PLXNA4: variants seen among roughly 807,000 people sequenced by gnomAD.
PLXNA4 encodes plexin-A4.
A neutral mutation model predicts 191.8 loss-of-function variants in PLXNA4; 44 were observed. The observed-to-expected ratio is 0.23, with a 90% CI of 0.18 to 0.29. The LOEUF (loss-of-function observed/expected upper bound fraction) is 0.29. Ranked by LOEUF, PLXNA4 falls within the 10% of genes least tolerant of loss-of-function variation. PLXNA4 has a pLI of 1.00. For synonymous variants in PLXNA4, 1,082 were observed against 1,009.5 expected (o/e 1.07, Z -1.36); for missense variants, 1,800 against 2,488.8 (o/e 0.72, Z 5.89).
intron 30 of PLXNA4, among the ~76,000 whole-genome samples, chr7:132,139,136 A>C (rs139556093): frequency 3.5e-4 from 54 of 152,350 alleles, no homozygotes; most frequent in African/African-American, 1.2e-3. Context: ...CACTAGGACA[A>C]AAGAGTTAGT....
intron 2 of PLXNA4, among the ~76,000 whole-genome samples, chr7:132,489,798 C>G (rs1038507120): frequency 1.3e-5 from 2 of 151,770 alleles, no homozygotes; most frequent in Non-Finnish European, 3.0e-5. Flanking sequence ...ATCATCCTCA[C>G]GTGGAAAAGC....
intron 3 of PLXNA4, among the ~76,000 whole-genome samples, chr7:132,476,154 CA>C (rs1797122141): frequency 6.6e-6 from 1 of 152,142 alleles, no homozygotes; most frequent in Non-Finnish European, 1.5e-5. Context: ...GATACAGAAT[CA>C]GGCATGTGTG....
intron 13 of PLXNA4, among the ~76,000 whole-genome samples, chr7:132,194,930 A>C (rs926226433): frequency 1.3e-5 from 2 of 151,860 alleles, no homozygotes; most frequent in Non-Finnish European, 2.9e-5. Context: ...ATAATATATA[A>C]ATATATATGT....
intron 3 of PLXNA4, among the ~76,000 whole-genome samples, chr7:132,404,673 T>C (rs1217197532): frequency 6.6e-6 from 1 of 152,194 alleles, no homozygotes; most frequent in African/African-American, 2.4e-5. Flanking sequence ...GTTATTTAAC[T>C]TTCCCATGTT....
At chr7:132,443,435 A>G (rs1364321042) in intron 3 of PLXNA4, among the ~76,000 whole-genome samples, 2 of 152,168 alleles carry the variant, frequency 1.3e-5, no homozygotes, top group East Asian at 1.9e-4. Flanking sequence ...TACTCTGTAC[A>G]GTTTTTCTTT....
intron 4 of PLXNA4, among the ~76,000 whole-genome samples, chr7:132,284,014 AT>A (rs976351870): frequency 6.6e-6 from 1 of 152,122 alleles, no homozygotes; most frequent in African/African-American, 2.4e-5. Context: ...TCTACACAAA[AT>A]TTTTAAAAAT....
At chr7:132,371,426 T>C (rs927705636) in intron 3 of PLXNA4, among the ~76,000 whole-genome samples, 1 of 152,210 alleles carries the variant, frequency 6.6e-6, no homozygotes, top group African/African-American at 2.4e-5. Flanking sequence ...ATCTCCCTAA[T>C]CTCAAATCAC....
intron 30 of PLXNA4, among the ~76,000 whole-genome samples, chr7:132,140,205 C>T (rs1364273447): frequency 6.6e-6 from 1 of 152,224 alleles, no homozygotes; most frequent in Admixed American, 6.5e-5. Context: ...GGGTAGAGGC[C>T]TCCAGCCTTT....
At chr7:132,556,206 G>A (rs2116606638) in intron 1 of PLXNA4, among the ~76,000 whole-genome samples, 1 of 152,342 alleles carries the variant, frequency 6.6e-6, no homozygotes, top group South Asian at 2.1e-4. Flanking sequence ...CTTGCAGAAA[G>A]TGATAATATT....
chr7:132,173,695 T>G (rs1332041684), intron 21 of PLXNA4, among the ~76,000 whole-genome samples: 1 of 152,326 alleles, frequency 6.6e-6, no homozygotes, highest in Non-Finnish European at 1.5e-5. Context: ...CCCTCAGGTG[T>G]CGGTACCTGC....
In PLXNA4 at chr7:132,529,420, T is replaced by C. The variant is rs141897586; in HGVS notation, c.-86-20641A>G. On this transcript the variant is annotated intron_variant, in intron 1 of 31. Transcript: ENST00000321063. ...TTAAATCAATATCAAAAATACAAGG[T>C]GTTACAGAAATCATGGAATTTGGGA... Among the ~76,000 whole-genome samples, 439 of 152,224 alleles carry C rather than the reference T, an allele frequency of 2.9e-3. 3 individuals are homozygous for C. Among genetic ancestry groups the C allele is most frequent in the African/African-American group, 9.8e-3 (408 of 41,536 alleles).
At chr7:132,145,690 G>C (rs1373458310) in intron 28 of PLXNA4, among the ~76,000 whole-genome samples, 1 of 152,008 alleles carries the variant, frequency 6.6e-6, no homozygotes, top group East Asian at 1.9e-4. Context: ...TGACTCACTT[G>C]GCTCTGCAGA....
intron 2 of PLXNA4, among the ~76,000 whole-genome samples, chr7:132,498,121 C>A (rs1307554540): frequency 1.3e-5 from 2 of 152,048 alleles, no homozygotes; most frequent in East Asian, 1.9e-4. Flanking sequence ...GAGTAGAGCA[C>A]AATAAGGGAT....
intron 3 of PLXNA4, among the ~76,000 whole-genome samples, chr7:132,324,571 T>A (rs1802290698): frequency 6.6e-6 from 1 of 152,174 alleles, no homozygotes. Flanking sequence ...CTCGTTAAAA[T>A]GTAAAACTGA....
At chr7:132,131,070 G>C (rs1794912649) in intron 31 of PLXNA4, among the ~76,000 whole-genome samples, 1 of 152,170 alleles carries the variant, frequency 6.6e-6, no homozygotes, top group South Asian at 2.1e-4. Flanking sequence ...CATTTAGAAA[G>C]TCATTTGTTT....
chr7:132,140,724 G>C lies in PLXNA4; in HGVS notation c.5313C>G (p.Leu1771=), dbSNP rs772833162. The change falls in exon 30 of 32, where the codon CTC becomes CTG. Residue 1771 remains leucine (L), a synonymous_variant. Coordinates refer to ENST00000321063, the MANE Select transcript of PLXNA4 (RefSeq NM_020911.2). Reference sequence around the variant, plus strand: ...CCATGAAGGTCTGAGCCACCACAGAGAGGCAGGCGTCTGTGATGCTGTTCT... The same window carrying C: ...CCATGAAGGTCTGAGCCACCACAGACAGGCAGGCGTCTGTGATGCTGTTCT... ...IHKNSITDAC[L]SVVAQTFMDS... is the part of the protein sequence containing the mutation. 9.9e-6 allele frequency: 16 copies of C among 1,614,044 alleles called. No homozygotes were observed. The highest frequency in any genetic ancestry group is 1.2e-5 in the Non-Finnish European group (14 of 1,180,042).
At chr7:132,466,345 C>G (rs1019629018) in intron 3 of PLXNA4, among the ~76,000 whole-genome samples, 4 of 152,166 alleles carry the variant, frequency 2.6e-5, no homozygotes, top group Non-Finnish European at 5.9e-5. Context: ...AGGAGTCAGG[C>G]CCTGCATTCA....
At chr7:132,630,786 C>T (rs902951010) in intron 2 of PLXNA4, among the ~76,000 whole-genome samples, 1 of 152,248 alleles carries the variant, frequency 6.6e-6, no homozygotes, top group Non-Finnish European at 1.5e-5. Context: ...GCTGGGATTA[C>T]AGGCGTGAGC....
At chr7:132,562,781 C>T (rs571093170) in intron 1 of PLXNA4, among the ~76,000 whole-genome samples, 8 of 126,664 alleles carry the variant, frequency 6.3e-5, no homozygotes, top group African/African-American at 1.3e-4. Context: ...TTTCCTCCCC[C>T]TCTTCTTTCT....
Sources: allele counts gnomAD v4.1 joint callset (sites outside exome capture counted in the v4.1 genomes callset), GRCh38; gene constraint gnomAD v4.1.1; transcripts MANE v1.5; gene names NCBI Gene and HGNC (gene_info 2026-07-23, HGNC 2026-07-21).